Variants in ADAMTS3 observed in about 807,000 individuals in gnomAD.
The protein encoded by ADAMTS3 is A disintegrin and metalloproteinase with thrombospondin motifs 3.
In ADAMTS3, 73 loss-of-function variants were observed where a neutral mutation model predicts 129.0. The observed-to-expected ratio is 0.57, with a 90% CI of 0.47 to 0.69. ADAMTS3 has a LOEUF of 0.69. Ranked by LOEUF, ADAMTS3 falls within the 30% of genes least tolerant of loss-of-function variation. The probability of loss-of-function intolerance (pLI) is 0.00; values close to 1 mark genes in which losing one functional copy is unlikely to be tolerated. For synonymous variants in ADAMTS3, 477 were observed against 510.8 expected, an observed-to-expected ratio of 0.93 and a Z score of 0.89; for missense variants, 1,457 against 1,514.5, an observed-to-expected ratio of 0.96 and a Z score of 0.63.
At chr4:72,516,638 G>C (rs1199210594) in intron 3 of ADAMTS3, among the ~76,000 whole-genome samples, 3 of 152,056 alleles carry the variant, frequency 2.0e-5, no homozygotes, top group Admixed American at 2.0e-4. Flanking sequence ...CTCTCTGCTA[G>C]TCCGTTATTG....
intron 3 of ADAMTS3, among the ~76,000 whole-genome samples, chr4:72,500,965 G>T (rs1273595623): frequency 1.3e-5 from 2 of 151,940 alleles, no homozygotes; most frequent in African/African-American, 4.8e-5. Flanking sequence ...TTGTTCCATT[G>T]GTCTATTTGT....
chr4:72,401,294 C>T (rs1036902690), intron 4 of ADAMTS3, among the ~76,000 whole-genome samples: 5 of 151,664 alleles, frequency 3.3e-5, no homozygotes, highest in South Asian at 2.1e-4. Context: ...GGGCTGGGCA[C>T]GGTGGCTCAC....
intron 15 of ADAMTS3, among the ~76,000 whole-genome samples, chr4:72,309,103 A>T (rs189401403): frequency 2.0e-5 from 3 of 152,148 alleles, no homozygotes; most frequent in South Asian, 2.1e-4. Flanking sequence ...TTTATTAAAA[A>T]TGCAAAATAA....
chr4:72,308,090 T>A (rs528741199), intron 15 of ADAMTS3, among the ~76,000 whole-genome samples: 1 of 152,046 alleles, frequency 6.6e-6, no homozygotes, highest in African/African-American at 2.4e-5. Context: ...AAGAAAAGAA[T>A]AAAATGTAAC....
At chr4:72,397,861 A>ATCTCT (rs1721766417) in intron 4 of ADAMTS3, among the ~76,000 whole-genome samples, 1 of 152,168 alleles carries the variant, frequency 6.6e-6, no homozygotes, top group Non-Finnish European at 1.5e-5. Flanking sequence ...ATACTAGAGA[A>ATCTCT]GACCATGGAT....
At chr4:72,383,717 A>T (rs906252391) in intron 4 of ADAMTS3, among the ~76,000 whole-genome samples, 1 of 152,192 alleles carries the variant, frequency 6.6e-6, no homozygotes, top group Non-Finnish European at 1.5e-5. Context: ...AAAGCACACT[A>T]TCTAGAGGAC....
chr4:72,553,311 C>T (rs1721687692), intron 2 of ADAMTS3, among the ~76,000 whole-genome samples: 2 of 152,144 alleles, frequency 1.3e-5, no homozygotes, highest in Non-Finnish European at 2.9e-5. Flanking sequence ...TGGATCTAAT[C>T]ATTAAAACAG....
At chr4:72,431,457 C>G (rs1276161700) in intron 3 of ADAMTS3, among the ~76,000 whole-genome samples, 1 of 151,934 alleles carries the variant, frequency 6.6e-6, no homozygotes, top group Non-Finnish European at 1.5e-5. Context: ...TGACATGATG[C>G]CACAAGTAAA....
At chr4:72,413,306 A>G (rs556976976) in intron 4 of ADAMTS3, among the ~76,000 whole-genome samples, 209 of 152,116 alleles carry the variant, frequency 1.4e-3, no homozygotes, top group African/African-American at 4.7e-3. Context: ...TTCCTAAAAA[A>G]TATTTAACCA....
intron 3 of ADAMTS3, among the ~76,000 whole-genome samples, chr4:72,542,263 T>C (rs1721351532): frequency 6.6e-6 from 1 of 152,118 alleles, no homozygotes; most frequent in Admixed American, 6.5e-5. Context: ...CTCCCAGGTT[T>C]ATGCCATTCT....
intron 3 of ADAMTS3, among the ~76,000 whole-genome samples, chr4:72,444,892 G>A (rs1477868761): frequency 6.6e-6 from 1 of 151,744 alleles, no homozygotes; most frequent in East Asian, 2.0e-4. Context: ...ACTGATGCAT[G>A]CTACGACATG....
chr4:72,370,356 G>T (rs77428574), intron 4 of ADAMTS3, among the ~76,000 whole-genome samples: 6,271 of 152,098 alleles, frequency 0.041, 231 homozygotes, highest in East Asian at 0.16. Context: ...ATTGCAATTT[G>T]CTTATTATAT....
At chr4:72,485,684 C>T (rs1242453846) in intron 3 of ADAMTS3, among the ~76,000 whole-genome samples, 1 of 152,160 alleles carries the variant, frequency 6.6e-6, no homozygotes, top group East Asian at 1.9e-4. Flanking sequence ...ACCATACTTA[C>T]ATTGTTCAAT....
chr4:72,355,751 G>C (rs1720566865), intron 4 of ADAMTS3, among the ~76,000 whole-genome samples: 1 of 151,990 alleles, frequency 6.6e-6, no homozygotes. Flanking sequence ...AGAACTGTGA[G>C]AAATAAATTT....
At chr4:72,484,863 C>T (rs1719537975) in intron 3 of ADAMTS3, among the ~76,000 whole-genome samples, 1 of 152,054 alleles carries the variant, frequency 6.6e-6, no homozygotes, top group South Asian at 2.1e-4. Context: ...GTATAAGACC[C>T]CCAAAATGCC....
chr4:72,412,676 T>A (rs1160900153), intron 4 of ADAMTS3, among the ~76,000 whole-genome samples: 1 of 152,032 alleles, frequency 6.6e-6, no homozygotes, highest in African/African-American at 2.4e-5. Flanking sequence ...TTAACGTTTA[T>A]CATGGAACAT....
chr4:72,307,228 T>C (rs1350728615), intron 15 of ADAMTS3, among the ~76,000 whole-genome samples: 5 of 152,068 alleles, frequency 3.3e-5, no homozygotes, highest in African/African-American at 1.2e-4. Context: ...CCTAACTAAA[T>C]AAAGTGGTCC....
At chr4:72,565,875 T>A (rs1722009511) in intron 2 of ADAMTS3, among the ~76,000 whole-genome samples, 1 of 152,256 alleles carries the variant, frequency 6.6e-6, no homozygotes, top group Non-Finnish European at 1.5e-5. Flanking sequence ...CTTAAAATTC[T>A]AATCAAAGCT....
chr4:72,380,610 T>C (rs985444834), intron 4 of ADAMTS3, among the ~76,000 whole-genome samples: 18 of 152,102 alleles, frequency 1.2e-4, no homozygotes, highest in African/African-American at 4.3e-4. Flanking sequence ...ACACCACTAG[T>C]AAACAATTTT....
Sources: allele counts gnomAD v4.1 joint callset (sites outside exome capture counted in the v4.1 genomes callset), GRCh38; gene constraint gnomAD v4.1.1; transcripts MANE v1.5; gene names NCBI Gene and HGNC (gene_info 2026-07-23, HGNC 2026-07-21).